NWD1: variants seen among roughly 807,000 people sequenced by gnomAD.
NWD1 encodes the protein NACHT domain- and WD repeat-containing protein 1.
A neutral mutation model predicts 135.1 loss-of-function variants in NWD1; 129 were observed. The ratio of observed to expected loss-of-function variants is 0.96; its 90% CI spans 0.83 to 1.11. The LOEUF is 1.11. Among genes scored for constraint, NWD1 ranks in the 50% least tolerant of loss-of-function variants. NWD1 has a pLI of 0.00. For missense variants in NWD1, 1,740 were observed against 1,851.3 expected (o/e 0.94, Z 1.10); for synonymous variants, 773 against 786.0 (o/e 0.98, Z 0.28).
chr19:16,800,618 T>C (rs1472746801), intron 17 of NWD1, among the ~76,000 whole-genome samples: 1 of 152,114 alleles, frequency 6.6e-6, no homozygotes, highest in African/African-American at 2.4e-5. Flanking sequence ...GGCTGGGAAG[T>C]TCCAGATCAA....
At chr19:16,769,849 T>G (rs1969354933) in intron 10 of NWD1, among the ~76,000 whole-genome samples, 1 of 152,202 alleles carries the variant, frequency 6.6e-6, no homozygotes, top group Non-Finnish European at 1.5e-5. Context: ...TCTTTTTTCT[T>G]TTTTTAGAGA....
chr19:16,746,254 G>A (rs1366340476), intron 5 of NWD1, among the ~76,000 whole-genome samples: 1 of 152,024 alleles, frequency 6.6e-6, no homozygotes, highest in Admixed American at 6.6e-5. Context: ...CAGCTACTCA[G>A]GAGAGTGACG....
intron 11 of NWD1, among the ~76,000 whole-genome samples, chr19:16,775,918 T>C (rs1555726961): frequency 1.3e-5 from 2 of 152,136 alleles, no homozygotes; most frequent in Non-Finnish European, 1.5e-5. Flanking sequence ...TCGCCTACCT[T>C]GGCCTCCCAA....
chr19:16,720,045 GA>G lies in NWD1; in HGVS notation c.-351del, dbSNP rs1407525909. On this transcript the variant is annotated 5_prime_UTR_variant, in exon 1 of 19. Coordinates refer to ENST00000524140, the MANE Select transcript of NWD1 (RefSeq NM_001007525.5). ...GAGGCTGGAGCCCCCAGGACAGCCA[GA>G]ACGCTGACACTGCAAAGGGCCTCTG... is the stretch of plus-strand genomic sequence containing the variant. 1 of 152,258 alleles carries G rather than the reference GA, an allele frequency of 6.6e-6. No homozygotes were observed. Among genetic ancestry groups the G allele is most frequent in the Non-Finnish European group, 1.5e-5 (1 of 68,072 alleles). 9.4% of individuals were successfully genotyped at this position (152,258 alleles called of 1,614,324 possible).
In NWD1 at chr19:16,807,717, G is replaced by T. The variant is rs142915346; in HGVS notation, c.3868G>T (p.Val1290Leu). The T allele has an allele frequency of 2.0e-4, 330 of 1,613,692 alleles. No homozygotes were observed. The highest frequency in any genetic ancestry group is 2.7e-4 in the Non-Finnish European group (315 of 1,179,846). ...LVFPLNSRQDVICIPPPEARK... is the reference protein window; with the variant it reads ...LVFPLNSRQDLICIPPPEARK... ...GTTCCCCCTGAATTCCAGGCAGGAC[G>T]TGATATGCATTCCCCCTCCCGAGGC... The change falls in exon 18 of 19, where the codon GTG (valine) becomes TTG (leucine). Residue 1290 changes from valine to leucine, a missense_variant. Physicochemically the swap from Val to Leu is conservative, Grantham distance 32. Coordinates refer to ENST00000524140, the MANE Select transcript of NWD1 (RefSeq NM_001007525.5).
Position 16,750,055 on chromosome 19 carries a change from G to A in NWD1, c.1413G>A (p.Gly471=), listed in dbSNP as rs371634026. ...ACCTCATCCTCTCAGCTTGCTCGGGGGCACTGGGGGTTTTGGACACCTTGC... is the reference window on the plus strand; with the variant it reads ...ACCTCATCCTCTCAGCTTGCTCGGGAGCACTGGGGGTTTTGGACACCTTGC... ...RVHLILSACS[G]ALGVLDTLQR... Residue 471 remains glycine, a synonymous_variant, in exon 6 of 19, where the codon GGG becomes GGA. Coordinates refer to ENST00000524140, the MANE Select transcript of NWD1 (RefSeq NM_001007525.5). 19 of 1,613,980 alleles carry A rather than the reference G, an allele frequency of 1.2e-5. No individual in the cohort carries two copies. In the African/African-American group the frequency reaches 2.4e-4, roughly 20 times the overall value.
At chr19:16,760,448 T>C (rs1428569944) in intron 7 of NWD1, among the ~76,000 whole-genome samples, 1 of 151,574 alleles carries the variant, frequency 6.6e-6, no homozygotes, top group Non-Finnish European at 1.5e-5. Flanking sequence ...TTTGTGGAGA[T>C]GGGGTCTCAC....
At chr19:16,801,114 C>A (rs1456783669) in intron 17 of NWD1, among the ~76,000 whole-genome samples, 3 of 152,056 alleles carry the variant, frequency 2.0e-5, no homozygotes, top group South Asian at 2.1e-4. Flanking sequence ...CCCACCTCCA[C>A]TAAAGCAATA....
chr19:16,733,769 G>A (rs1221192437), intron 3 of NWD1, among the ~76,000 whole-genome samples: 1 of 150,258 alleles, frequency 6.7e-6, no homozygotes, highest in African/African-American at 2.5e-5. Flanking sequence ...CGCGGATGCT[G>A]TCAACATCCT....
chr19:16,773,458 G>C, intron 11 of NWD1, 135 bp downstream of exon 11: 1 of 677,378 alleles, frequency 1.5e-6, no homozygotes, highest in South Asian at 1.9e-5. Context: ...ATCAGAGCCT[G>C]CCCCTGCTGT....
intron 3 of NWD1, among the ~76,000 whole-genome samples, chr19:16,731,996 C>G (rs1022433417): frequency 6.6e-6 from 1 of 151,728 alleles, no homozygotes; most frequent in East Asian, 1.9e-4. Flanking sequence ...GCGGGCAGAT[C>G]GCTTGAGGTC....
rs542803146 is a variant in NWD1, at chr19:16,781,442, C to T, written c.2731+1977C>T. Among the ~76,000 whole-genome samples, 9 of 152,104 alleles carry T rather than the reference C, an allele frequency of 5.9e-5. No individual in the cohort carries two copies. The South Asian group carries it at 1.7e-3, about 28-fold the overall frequency. On this transcript the variant is annotated intron_variant, in intron 12 of 18. Coordinates refer to ENST00000524140, the MANE Select transcript of NWD1 (RefSeq NM_001007525.5). ...ACCAGCTTGGGCAACATGGTGAACC[C>T]ACATCTCTACAAAAAATGCAAAAAT...
chr19:16,773,712 T>A (rs1423261524), intron 11 of NWD1, among the ~76,000 whole-genome samples: 7 of 152,162 alleles, frequency 4.6e-5, no homozygotes, highest in Non-Finnish European at 7.3e-5. Context: ...TCCCAGAATG[T>A]AAGGGAGAGG....
Position 16,797,644 on chromosome 19 carries a change from G to A in NWD1, c.3305-88G>A, listed in dbSNP as rs958523749. 12 of 1,252,032 alleles carry A rather than the reference G, an allele frequency of 9.6e-6. 1 individual carries two copies. The highest frequency in any genetic ancestry group is 2.4e-4 in the Middle Eastern group (1 of 4,116). The allele number at this position is 1,252,032 out of a possible 1,614,324, so 77.6% of individuals were successfully genotyped here. On this transcript the variant is annotated intron_variant, in intron 15 of 18. Coordinates refer to ENST00000524140, the MANE Select transcript of NWD1 (RefSeq NM_001007525.5). Reference sequence around the variant, plus strand: ...ATTACAGGCATGAACCACCACATCCGGCCTCCAAAACACCTCTGTTGATGG... The same window carrying A: ...ATTACAGGCATGAACCACCACATCCAGCCTCCAAAACACCTCTGTTGATGG...
intron 6 of NWD1, among the ~76,000 whole-genome samples, chr19:16,758,028 G>C (rs1338194538): frequency 6.6e-6 from 1 of 150,830 alleles, no homozygotes; most frequent in Non-Finnish European, 1.5e-5. Context: ...CTCCAACCTA[G>C]GCAACAGAGT....
chr19:16,817,095 G>A lies in NWD1; in HGVS notation c.*2056G>A, dbSNP rs1400866896. On this transcript the variant is annotated 3_prime_UTR_variant, in exon 19 of 19. Coordinates refer to ENST00000524140, the MANE Select transcript of NWD1 (RefSeq NM_001007525.5). ...GCAGGTGGATCACCTGAGGTCAGGA[G>A]TTTGAGACCAGCCTGGACAACATGG... The A allele has an allele frequency of 6.6e-6, 1 of 152,176 alleles. No homozygotes were observed. The highest frequency in any genetic ancestry group is 1.5e-5 in the Non-Finnish European group (1 of 68,058). The allele number at this position is 152,176 out of a possible 1,614,324, so 9.4% of individuals were successfully genotyped here.
intron 1 of NWD1, among the ~76,000 whole-genome samples, chr19:16,722,444 C>CGTG (rs1481070456): frequency 6.6e-6 from 1 of 151,952 alleles, no homozygotes; most frequent in Admixed American, 6.6e-5. Flanking sequence ...CATGAACCAT[C>CGTG]ACGCCCAGCT....
intron 6 of NWD1, among the ~76,000 whole-genome samples, chr19:16,755,132 G>C (rs867809497): frequency 7.2e-5 from 11 of 151,914 alleles, no homozygotes; most frequent in Middle Eastern, 3.4e-3. Flanking sequence ...TATCCATCTA[G>C]TCATTTATAA....
At chr19:16,804,449 A>G (rs1045587313) in intron 17 of NWD1, among the ~76,000 whole-genome samples, 2 of 151,922 alleles carry the variant, frequency 1.3e-5, no homozygotes, top group Non-Finnish European at 2.9e-5. Context: ...TTTAAAAGGT[A>G]TCGGGCTTGG....
Sources: gnomAD v4.1 joint callset for allele counts (sites outside exome capture counted in the v4.1 genomes callset) on GRCh38, gnomAD v4.1.1 for gene constraint, MANE v1.5 for transcripts, NCBI Gene and HGNC (gene_info 2026-07-23, HGNC 2026-07-21) for gene names.